NCOA1: variants seen among roughly 807,000 people sequenced by gnomAD.
NCOA1 encodes the protein Hin-2 protein.
Under a neutral mutation model 150.9 loss-of-function variants are expected in NCOA1, and 35 were observed. The ratio of observed to expected loss-of-function variants is 0.23; its 90% CI spans 0.18 to 0.31. The LOEUF is 0.31. Among genes scored for constraint, NCOA1 ranks in the 10% least tolerant of loss-of-function variants. The pLI is 1.00. For missense variants in NCOA1, 1,491 were observed against 1,749.3 expected (o/e 0.85, Z 2.63); for synonymous variants, 590 against 630.0 (o/e 0.94, Z 0.95).
chr2:24,686,630 T>A (rs1472257266), intron 8 of NCOA1, among the ~76,000 whole-genome samples: 1 of 152,220 alleles, frequency 6.6e-6, no homozygotes, highest in Non-Finnish European at 1.5e-5. Context: ...AGTGATGCTG[T>A]TGTCTTTTTG....
At chr2:24,701,506 C>CA (rs577569400) in intron 11 of NCOA1, among the ~76,000 whole-genome samples, 16,540 of 78,102 alleles carry the variant, frequency 0.21, 1,285 homozygotes, top group Middle Eastern at 0.31. Flanking sequence ...GACACTGTCT[C>CA]AAAAAAAAAA....
At chr2:24,556,567 G>A (rs192906781) in intron 1 of NCOA1, among the ~76,000 whole-genome samples, 2 of 152,256 alleles carry the variant, frequency 1.3e-5, no homozygotes, top group East Asian at 1.9e-4. Flanking sequence ...AGTGGGCAAA[G>A]GACATGAACA....
intron 3 of NCOA1, among the ~76,000 whole-genome samples, chr2:24,603,150 G>GTCTATCA (rs1668204570): frequency 1.3e-5 from 2 of 151,842 alleles, no homozygotes; most frequent in South Asian, 4.2e-4. Flanking sequence ...CTATACCGTA[G>GTCTATCA]TCTATCAAGT....
At chr2:24,729,964 G>C (rs1662908686) in intron 17 of NCOA1, 149 bp downstream of exon 17, 1 of 758,018 alleles carries the variant, frequency 1.3e-6, no homozygotes, top group Non-Finnish European at 2.1e-6. Context: ...TCCTGCCTCA[G>C]ACTCCCGAGT....
chr2:24,659,472 C>T (rs776284538), intron 5 of NCOA1, among the ~76,000 whole-genome samples: 4 of 152,026 alleles, frequency 2.6e-5, no homozygotes, highest in Non-Finnish European at 4.4e-5. Context: ...AGAGAAGAAA[C>T]CTCAAATGCC....
At chr2:24,762,422 C>T (rs1572696341) in intron 21 of NCOA1, among the ~76,000 whole-genome samples, 1 of 152,160 alleles carries the variant, frequency 6.6e-6, no homozygotes, top group Non-Finnish European at 1.5e-5. Flanking sequence ...TAGATTTTCA[C>T]AAAGTGAACA....
chr2:24,639,468 A>G (rs1301754159), intron 3 of NCOA1, among the ~76,000 whole-genome samples: 1 of 151,642 alleles, frequency 6.6e-6, no homozygotes, highest in Non-Finnish European at 1.5e-5. Context: ...TCAATTTTTT[A>G]CCTTTCAAAA....
At chr2:24,564,685 C>T (rs1383488601) in intron 2 of NCOA1, 7 of 152,022 alleles carry the variant, frequency 4.6e-5, no homozygotes, top group South Asian at 2.1e-4. Context: ...TAACCAGGCC[C>T]GACTGTGCTT....
At chr2:24,556,092 A>G (rs1467301737) in intron 1 of NCOA1, 1 of 152,184 alleles carries the variant, frequency 6.6e-6, no homozygotes, top group Non-Finnish European at 1.5e-5. Flanking sequence ...GCACCTATCA[A>G]CCCATCACCT....
intron 14 of NCOA1, among the ~76,000 whole-genome samples, chr2:24,722,541 T>G (rs1039732457): frequency 6.6e-6 from 1 of 152,172 alleles, no homozygotes; most frequent in Non-Finnish European, 1.5e-5. Context: ...AGGAAACTTA[T>G]TTTCTTGAAG....
chr2:24,608,706 T>G (rs1294280181), intron 3 of NCOA1, among the ~76,000 whole-genome samples: 9 of 30,580 alleles, frequency 2.9e-4, no homozygotes, highest in Admixed American at 1.5e-3. Context: ...GTTGTTGTGT[T>G]TTTTTTTTTT....
chr2:24,652,742 A>G (rs1670765130), intron 4 of NCOA1, among the ~76,000 whole-genome samples: 2 of 152,146 alleles, frequency 1.3e-5, no homozygotes, highest in South Asian at 4.1e-4. Flanking sequence ...AAGATTGGGT[A>G]TAATTTAGCA....
chr2:24,526,288 A>G (rs879761973), intron 1 of NCOA1, among the ~76,000 whole-genome samples: 32 of 151,772 alleles, frequency 2.1e-4, no homozygotes, highest in Admixed American at 1.1e-3. Flanking sequence ...GCTCTATTCC[A>G]CATTTTGTTT....
chr2:24,634,000 C>G (rs1159868300), intron 3 of NCOA1, among the ~76,000 whole-genome samples: 3 of 152,102 alleles, frequency 2.0e-5, no homozygotes, highest in Non-Finnish European at 4.4e-5. Context: ...ATGAACAGAA[C>G]ACATGCACAC....
intron 1 of NCOA1, among the ~76,000 whole-genome samples, chr2:24,525,180 A>G (rs933280799): frequency 1.3e-5 from 2 of 152,126 alleles, no homozygotes; most frequent in African/African-American, 4.8e-5. Flanking sequence ...AAGTAAAGGC[A>G]TTTTTTCTTC....
chr2:24,579,582 C>T (rs534506633), intron 2 of NCOA1, among the ~76,000 whole-genome samples: 4 of 152,260 alleles, frequency 2.6e-5, no homozygotes, highest in Admixed American at 6.5e-5. Context: ...AAGACAGTCA[C>T]AGAGAAGTGA....
intron 17 of NCOA1, among the ~76,000 whole-genome samples, chr2:24,730,911 G>A (rs540217327): frequency 4.0e-5 from 6 of 149,472 alleles, no homozygotes; most frequent in African/African-American, 1.5e-4. Context: ...GGTGGCACGT[G>A]CCTATAATCC....
At chr2:24,515,560 ATC>A (rs1664129268) in intron 1 of NCOA1, among the ~76,000 whole-genome samples, 1 of 152,066 alleles carries the variant, frequency 6.6e-6, no homozygotes, top group African/African-American at 2.4e-5. Flanking sequence ...TTAATAATTT[ATC>A]TCTACTTTTG....
intron 3 of NCOA1, among the ~76,000 whole-genome samples, chr2:24,636,953 T>C (rs1669963124): frequency 6.6e-6 from 1 of 152,058 alleles, no homozygotes; most frequent in Admixed American, 6.5e-5. Context: ...ATTGTACATA[T>C]TTATGGGATA....
Sources: allele counts gnomAD v4.1 joint callset (sites outside exome capture counted in the v4.1 genomes callset), GRCh38; gene constraint gnomAD v4.1.1; transcripts MANE v1.5; gene names NCBI Gene and HGNC (gene_info 2026-07-23, HGNC 2026-07-21).